The following TRIM37 variants were observed in gnomAD, a reference collection of about 807,000 sequenced individuals.
TRIM37 encodes E3 ubiquitin-protein ligase TRIM37.
Under a neutral mutation model 129.8 loss-of-function variants are expected in TRIM37, and 80 were observed. The ratio of observed to expected loss-of-function variants is 0.62; its 90% CI spans 0.51 to 0.74. The LOEUF is 0.74. Ranked by LOEUF, TRIM37 falls within the 30% of genes least tolerant of loss-of-function variation. TRIM37 has a pLI of 0.00. For missense variants in TRIM37, 1,054 were observed against 1,176.5 expected (o/e 0.90, Z 1.52); for synonymous variants, 389 against 387.1 (o/e 1.00, Z -0.06).
intron 16 of TRIM37, among the ~76,000 whole-genome samples, chr17:59,042,518 T>C (rs2145929387): frequency 6.9e-6 from 1 of 144,866 alleles, no homozygotes; most frequent in East Asian, 2.0e-4. Flanking sequence ...ATCCCAGAAC[T>C]TTGGGAGGCT....
intron 19 of TRIM37, among the ~76,000 whole-genome samples, chr17:59,023,179 G>A (rs1233929329): frequency 2.0e-5 from 3 of 152,086 alleles, no homozygotes; most frequent in South Asian, 2.1e-4. Flanking sequence ...GGGTTCAAGC[G>A]ATTCTAGTGG....
intron 1 of TRIM37, 23 bp from the exon 2 acceptor site, chr17:59,104,417 G>A: frequency 6.2e-7 from 1 of 1,604,118 alleles, no homozygotes; most frequent in Non-Finnish European, 8.5e-7. Flanking sequence ...AAAGATGTAA[G>A]GTCCACCAGT....
chr17:59,056,747 A>AAAAAAT, intron 13 of TRIM37, 128 bp downstream of exon 13: 1 of 427,110 alleles, frequency 2.3e-6, no homozygotes. Flanking sequence ...AAAAAAAAAA[A>AAAAAAT]GGTGATAAGG....
rs149021860 is a variant in TRIM37, at chr17:58,993,176, C to A, written c.2891+6205G>T. Among the ~76,000 whole-genome samples, 1,050 of 152,252 alleles carry A rather than the reference C, an allele frequency of 6.9e-3. 5 individuals carry two copies. The highest frequency in any genetic ancestry group is 0.013 in the African/African-American group (542 of 41,546). Reference sequence around the variant, plus strand: ...CTCGTCTGCCACCACATGAGATGTGCCTTTTACCTTTTGCCATGATTGTGA... The same window carrying A: ...CTCGTCTGCCACCACATGAGATGTGACTTTTACCTTTTGCCATGATTGTGA... On this transcript the variant is annotated intron_variant, in intron 24 of 24. Coordinates refer to the TRIM37 transcript ENST00000393066.
intron 5 of TRIM37, 62 bp downstream of exon 5, chr17:59,083,940 A>G (rs2043529839): frequency 3.8e-6 from 5 of 1,312,410 alleles, no homozygotes; most frequent in East Asian, 2.3e-5. Context: ...TTCTATCTGA[A>G]TAAGTATTTC....
At chr17:59,072,824 T>C (rs1361002640) in intron 8 of TRIM37, among the ~76,000 whole-genome samples, 2 of 151,982 alleles carry the variant, frequency 1.3e-5, no homozygotes, top group Non-Finnish European at 2.9e-5. Flanking sequence ...AATAATGATA[T>C]CATGTTTGAG....
chr17:59,037,355 G>C (rs1450766694), intron 17 of TRIM37, among the ~76,000 whole-genome samples: 1 of 151,606 alleles, frequency 6.6e-6, no homozygotes, highest in Non-Finnish European at 1.5e-5. Flanking sequence ...TCAGGAGATC[G>C]AGACCATCCT....
At chr17:59,045,029 AG>A (rs2039630273) in intron 16 of TRIM37, among the ~76,000 whole-genome samples, 2 of 151,516 alleles carry the variant, frequency 1.3e-5, no homozygotes, top group South Asian at 4.2e-4. Flanking sequence ...AGATTCTCTT[AG>A]GAAAAAAAAA....
chr17:59,037,430 C>A (rs1186669767), intron 17 of TRIM37, among the ~76,000 whole-genome samples: 1 of 150,692 alleles, frequency 6.6e-6, no homozygotes, highest in East Asian at 2.0e-4. Flanking sequence ...TGGTGGCGGG[C>A]GCCTGTAGTC....
chr17:59,085,991 T>A (rs1003259032), intron 4 of TRIM37, among the ~76,000 whole-genome samples: 1 of 151,972 alleles, frequency 6.6e-6, no homozygotes, highest in Non-Finnish European at 1.5e-5. Flanking sequence ...CTCAAACAGA[T>A]AGAAACAGAA....
At chr17:59,072,120 G>A (rs1002574952) in intron 8 of TRIM37, among the ~76,000 whole-genome samples, 2 of 152,122 alleles carry the variant, frequency 1.3e-5, no homozygotes, top group African/African-American at 4.8e-5. Flanking sequence ...TTATTAAGAG[G>A]AAGAGACTCT....
At chr17:58,997,889 C>T (rs550312274), downstream of TRIM37, among the ~76,000 whole-genome samples, 2 of 152,106 alleles carry the variant, frequency 1.3e-5, no homozygotes, top group African/African-American at 2.4e-5. Flanking sequence ...GGGAAAACAG[C>T]GGTGTTCCCG....
At chr17:58,993,908 T>C (rs1264684330), downstream of TRIM37, among the ~76,000 whole-genome samples, 1 of 152,188 alleles carries the variant, frequency 6.6e-6, no homozygotes, top group Non-Finnish European at 1.5e-5. Flanking sequence ...AATGTAATTT[T>C]GAACCTAAAT....
intron 23 of TRIM37, among the ~76,000 whole-genome samples, chr17:58,999,707 G>C (rs1473977026): frequency 6.6e-6 from 1 of 152,162 alleles, no homozygotes; most frequent in Non-Finnish European, 1.5e-5. Context: ...AAGATGACAG[G>C]AATTGTCTCA....
chr17:58,995,921 C>T (rs545950592), downstream of TRIM37, among the ~76,000 whole-genome samples: 9 of 151,838 alleles, frequency 5.9e-5, no homozygotes, highest in South Asian at 6.2e-4. Flanking sequence ...GTGGGAGGAT[C>T]GCTTAAGCCC....
chr17:59,079,620 T>C, intron 7 of TRIM37, 134 bp downstream of exon 7: 1 of 1,129,224 alleles, frequency 8.9e-7, no homozygotes, highest in Non-Finnish European at 1.3e-6. Flanking sequence ...CATTTATCTG[T>C]CTAAATTGTA....
Position 58,987,894 on chromosome 17 carries a change from A to C in TRIM37, c.2892-4973T>G, listed in dbSNP as rs568251823. ...GTGTGTTTTACATATATACATTTTTAAATCACAGCACTTCCAGCTTCCACT... is the reference window on the plus strand; with the variant it reads ...GTGTGTTTTACATATATACATTTTTCAATCACAGCACTTCCAGCTTCCACT... On this transcript the variant is annotated intron_variant, in intron 24 of 24. Transcript: ENST00000393066. Among the ~76,000 whole-genome samples the C allele has an allele frequency of 2.6e-5, 4 of 152,340 alleles. No individual in the cohort carries two copies. In the East Asian group the frequency reaches 7.7e-4, roughly 29 times the overall value.
At chr17:59,056,757 G>A (rs528534369) in intron 13 of TRIM37, 118 bp downstream of exon 13, 3 of 371,894 alleles carry the variant, frequency 8.1e-6, no homozygotes, top group African/African-American at 2.3e-5. Flanking sequence ...AGGTGATAAG[G>A]TTATAGTTAG....
chr17:59,022,046 C>T (rs902567477), intron 19 of TRIM37, among the ~76,000 whole-genome samples: 3 of 152,054 alleles, frequency 2.0e-5, no homozygotes, highest in Non-Finnish European at 4.4e-5. Flanking sequence ...AAGTTTAATA[C>T]AGCATAGGAG....
Sources: allele counts gnomAD v4.1 joint callset (sites outside exome capture counted in the v4.1 genomes callset), GRCh38; gene constraint gnomAD v4.1.1; transcripts MANE v1.5; gene names NCBI Gene and HGNC (gene_info 2026-07-23, HGNC 2026-07-21).